FXR2: variants seen among roughly 807,000 people sequenced by gnomAD.
The protein encoded by FXR2 is RNA-binding protein FXR2.
In FXR2, 9 loss-of-function variants were observed where a neutral mutation model predicts 87.3. That is an observed-to-expected ratio of 0.10 (90% CI 0.06 to 0.18). FXR2 has a LOEUF of 0.18. Ranked by LOEUF, FXR2 falls within the 10% of genes least tolerant of loss-of-function variation. FXR2 has a pLI of 1.00. For missense variants in FXR2, 661 were observed against 893.6 expected (o/e 0.74, Z 3.32); for synonymous variants, 331 against 328.3 (o/e 1.01, Z -0.09).
rs2071658453 is a variant in FXR2 at position 7,591,398 on chromosome 17, A to G, written c.*432T>C. 5.0e-6 allele frequency: 1 copy of G among 200,178 alleles called. No individual in the cohort carries two copies. Among genetic ancestry groups the G allele is most frequent in the African/African-American group, 2.4e-5 (1 of 41,832 alleles). The allele number at this position is 200,178 out of a possible 1,614,324, so 12.4% of individuals were successfully genotyped here. Reference sequence around the variant, plus strand: ...CCTTCCCCGTGCCTCCCACCCACTTATCTCTTACTATCCCCGTCTTCCACA... The same window carrying G: ...CCTTCCCCGTGCCTCCCACCCACTTGTCTCTTACTATCCCCGTCTTCCACA... On this transcript the variant is annotated 3_prime_UTR_variant, in exon 17 of 17. Transcript: ENST00000250113. This position sits in a 1 kb window ranked among gnomAD's most constrained non-coding sequence, Gnocchi z 4.0.
At position 7,592,787 on chromosome 17, in the gene FXR2, G is replaced by A. The variant is rs910218642; in HGVS notation, c.1636C>T (p.Arg546Cys). 15 of 1,613,712 alleles carry A rather than the reference G, an allele frequency of 9.3e-6. No homozygotes were observed. The highest frequency in any genetic ancestry group is 4.5e-5 in the East Asian group (2 of 44,852). ...GEPPPASARR[R>C]RSRRRRTDED... ...TCAGTGCGGCGGCGGCGGGAGCGGCGGCGCCTGGCACTTGCTGGGGGGGGT... is the reference window on the plus strand; with the variant it reads ...TCAGTGCGGCGGCGGCGGGAGCGGCAGCGCCTGGCACTTGCTGGGGGGGGT... Residue 546 changes from arginine (R) to cysteine (C), a missense_variant, in exon 14 of 17, where the codon CGC (arginine) becomes TGC (cysteine). By Grantham distance (180) the Arg-to-Cys change is radical. Coordinates refer to ENST00000250113, the MANE Select transcript of FXR2 (RefSeq NM_004860.4). The surrounding 1 kb of genome is among the most constrained non-coding windows in gnomAD (Gnocchi z 4.8).
At chr17:7,611,751 G>A (rs1042995545) in intron 1 of FXR2, among the ~76,000 whole-genome samples, 2 of 152,068 alleles carry the variant, frequency 1.3e-5, no homozygotes, top group African/African-American at 4.8e-5. Flanking sequence ...CTTCCCAAAT[G>A]TACAATTCCA....
At position 7,612,627 on chromosome 17, in the gene FXR2, C is replaced by T. The variant is rs567105706; in HGVS notation, c.81+1825G>A. ...TGAGAAGGTAAGTTAGACATGGGTA[C>T]CCACAGTCACCGCAGAGAAATAAAT... On this transcript the variant is annotated intron_variant, in intron 1 of 16. Coordinates refer to ENST00000250113, the MANE Select transcript of FXR2 (RefSeq NM_004860.4). Among the ~76,000 whole-genome samples the T allele has an allele frequency of 1.1e-4, 16 of 152,076 alleles. 1 individual carries two copies. In the South Asian group the frequency reaches 3.1e-3, roughly 30 times the overall value.
intron 7 of FXR2, among the ~76,000 whole-genome samples, chr17:7,598,266 C>T (rs9897591): frequency 0.03 from 4,624 of 151,920 alleles, 240 homozygotes; most frequent in African/African-American, 0.1. Flanking sequence ...CTGGCTAACA[C>T]GGTGAAACCC....
Position 7,601,502 on chromosome 17 carries a change from C to T in FXR2, c.567G>A (p.Lys189=), listed in dbSNP as rs1472428119. 6.2e-7 allele frequency: 1 copy of T among 1,611,398 alleles called. No homozygotes were observed. Among genetic ancestry groups the T allele is most frequent in the Non-Finnish European group, 8.5e-7 (1 of 1,177,832 alleles). The change falls in exon 7 of 17, where the codon AAG becomes AAA. Residue 189 remains lysine, a synonymous_variant. Coordinates refer to ENST00000250113, the MANE Select transcript of FXR2 (RefSeq NM_004860.4). ...GCATATCACCCAGCAGAGATGCTCGCTTCACAGGGGCTTCTGTGGTTGACT... is the reference window on the plus strand; with the variant it reads ...GCATATCACCCAGCAGAGATGCTCGTTTCACAGGGGCTTCTGTGGTTGACT... The part of the protein sequence containing the change: ...FILSTTEAPV[K]RASLLGDMHF...
intron 6 of FXR2, among the ~76,000 whole-genome samples, chr17:7,601,864 T>C (rs543774673): frequency 6.6e-6 from 1 of 151,002 alleles, no homozygotes; most frequent in South Asian, 2.1e-4. Context: ...GAGTCGGAGG[T>C]TGCAGTGAGC....
intron 1 of FXR2, among the ~76,000 whole-genome samples, chr17:7,609,984 A>ACATACATG (rs1491018704): frequency 2.1e-5 from 2 of 95,932 alleles, no homozygotes; most frequent in Non-Finnish European, 2.3e-5. Context: ...GTATACATAT[A>ACATACATG]TATATACATG....
At chr17:7,611,760 C>G (rs1328697970) in intron 1 of FXR2, among the ~76,000 whole-genome samples, 1 of 152,030 alleles carries the variant, frequency 6.6e-6, no homozygotes, top group Non-Finnish European at 1.5e-5. Context: ...TGTACAATTC[C>G]AGAAGCAGTG....
chr17:7,594,154 T>G lies in FXR2; in HGVS notation c.1020+84A>C, dbSNP rs1303622689. On this transcript the variant is annotated intron_variant, in intron 10 of 16. Transcript: ENST00000250113. The surrounding 1 kb of genome is among the most constrained non-coding windows in gnomAD (Gnocchi z 5.1). ...AAACAACTTTCCGTACTCCACCCTCTCAAAGAACAATCCCAGCCCTCAGAG... is the reference window on the plus strand; with the variant it reads ...AAACAACTTTCCGTACTCCACCCTCGCAAAGAACAATCCCAGCCCTCAGAG... 8.5e-6 allele frequency: 8 copies of G among 942,250 alleles called. No homozygotes were observed. Among genetic ancestry groups the G allele is most frequent in the Non-Finnish European group, 1.4e-5 (8 of 583,920 alleles). 58.4% of individuals were successfully genotyped at this position (942,250 alleles called of 1,614,324 possible).
At chr17:7,605,390 CAAA>C (rs2071794843) in intron 3 of FXR2, among the ~76,000 whole-genome samples, 1 of 151,826 alleles carries the variant, frequency 6.6e-6, no homozygotes, top group African/African-American at 2.4e-5. Flanking sequence ...ACAACAACAA[CAAA>C]AAAATCAGAG....
At position 7,593,734 on chromosome 17, in the gene FXR2, G is replaced by A. The variant is rs960432476; in HGVS notation, c.1108-109C>T. 13 of 867,340 alleles carry A rather than the reference G, an allele frequency of 1.5e-5. No individual in the cohort carries two copies. The highest frequency in any genetic ancestry group is 4.3e-4 in the Middle Eastern group (2 of 4,602). The allele number at this position is 867,340 out of a possible 1,614,324, so 53.7% of individuals were successfully genotyped here. A position where few individuals can be genotyped will look rare whatever the true frequency, so the allele number is the denominator to read the frequency against. On this transcript the variant is annotated intron_variant, in intron 11 of 16. Coordinates refer to ENST00000250113, the MANE Select transcript of FXR2 (RefSeq NM_004860.4). This position sits in a 1 kb window ranked among gnomAD's most constrained non-coding sequence, Gnocchi z 6.1. ...TATATCTAACCTCTCAGGAATGCAG[G>A]GAGAAGGAAGACACTGGCTAAACAA...
intron 7 of FXR2, among the ~76,000 whole-genome samples, chr17:7,600,830 G>C (rs536258934): frequency 6.6e-6 from 1 of 151,960 alleles, no homozygotes; most frequent in Non-Finnish European, 1.5e-5. Context: ...GTTGCAGTCA[G>C]CTGAGACTAT....
chr17:7,605,230 T>C (rs1418769231), intron 3 of FXR2, among the ~76,000 whole-genome samples: 1 of 152,032 alleles, frequency 6.6e-6, no homozygotes, highest in Non-Finnish European at 1.5e-5. Context: ...TACCCGAGCA[T>C]GATGGCAGGT....
At chr17:7,609,935 T>TATATACATGTAAATGTATAC (rs1567753749) in intron 1 of FXR2, among the ~76,000 whole-genome samples, 6 of 104,406 alleles carry the variant, frequency 5.7e-5, no homozygotes, top group African/African-American at 2.2e-4. Context: ...TATATGTATA[T>TATATACATGTAAATGTATAC]ATATACATGT....
chr17:7,602,759 C>T, intron 6 of FXR2, 150 bp downstream of exon 6: 1 of 553,302 alleles, frequency 1.8e-6, no homozygotes, highest in Non-Finnish European at 3.2e-6. Flanking sequence ...GGTAGGGCTA[C>T]CTGGGCCTGT....
At chr17:7,606,652 C>G (rs1370212970) in intron 1 of FXR2, among the ~76,000 whole-genome samples, 1 of 152,040 alleles carries the variant, frequency 6.6e-6, no homozygotes, top group Non-Finnish European at 1.5e-5. Context: ...AATCGGAACA[C>G]TAGACAAGTT....
At chr17:7,602,842 G>T (rs2071769762) in intron 6 of FXR2, 67 bp downstream of exon 6, 4 of 771,296 alleles carry the variant, frequency 5.2e-6, no homozygotes, top group South Asian at 3.1e-5. Context: ...TTCTGCAAAA[G>T]GGTTAAAAAG....
chr17:7,604,279 G>C (rs769363956), intron 3 of FXR2, among the ~76,000 whole-genome samples, 199 bp from the exon 4 acceptor site: 1 of 151,792 alleles, frequency 6.6e-6, no homozygotes, highest in African/African-American at 2.4e-5. Flanking sequence ...AAGATATTTG[G>C]GGCTGCTGGG....
chr17:7,614,755 G>A lies in FXR2; in HGVS notation c.-223C>T. On this transcript the variant is annotated 5_prime_UTR_variant, in exon 1 of 17. Transcript: ENST00000250113. ...CCGCCGCCTTGGTCTCCGCCACCGTGAGGGAAACGGCCGCCGCCGCCGCTG... is the reference window on the plus strand; with the variant it reads ...CCGCCGCCTTGGTCTCCGCCACCGTAAGGGAAACGGCCGCCGCCGCCGCTG... The A allele has an allele frequency of 4.1e-6, 1 of 243,290 alleles. No homozygotes were observed. Among genetic ancestry groups the A allele is most frequent in the Non-Finnish European group, 7.7e-6 (1 of 129,456 alleles). 15.1% of individuals were successfully genotyped at this position (243,290 alleles called of 1,614,324 possible).
Sources: allele counts gnomAD v4.1 joint callset (sites outside exome capture counted in the v4.1 genomes callset), GRCh38; gene constraint gnomAD v4.1.1; non-coding constraint Gnocchi (gnomAD v3.1); transcripts MANE v1.5; gene names NCBI Gene and HGNC (gene_info 2026-07-23, HGNC 2026-07-21).